The following PLCG2 variants were observed in gnomAD, a reference collection of about 807,000 sequenced individuals.
PLCG2 encodes phospholipase C gamma 2, also known as 1-phosphatidylinositol 4,5-bisphosphate phosphodiesterase gamma-2.
PLCG2 carries 69 observed loss-of-function variants against 175.6 expected under a neutral mutation model. That is an observed-to-expected ratio of 0.39 (90% CI 0.32 to 0.48). PLCG2 has a LOEUF of 0.48. Ranked by LOEUF, PLCG2 falls within the 20% of genes least tolerant of loss-of-function variation. PLCG2 has a pLI of 0.91. For synonymous variants in PLCG2, 827 were observed against 624.0 expected, an observed-to-expected ratio of 1.33 and a Z score of -4.85; for missense variants, 1,798 against 1,650.9, an observed-to-expected ratio of 1.09 and a Z score of -1.54.
At chr16:81,800,522 A>G (rs888341395) in intron 2 of PLCG2, among the ~76,000 whole-genome samples, 6 of 152,148 alleles carry the variant, frequency 3.9e-5, no homozygotes, top group East Asian at 3.9e-4. Context: ...AGCTTCATCT[A>G]TGTCCCTGCG....
chr16:81,889,414 T>A, intron 10 of PLCG2, 141 bp downstream of exon 10: 1 of 530,262 alleles, frequency 1.9e-6, no homozygotes, highest in South Asian at 2.5e-5. Context: ...GCTGGGATTG[T>A]TTCTTTTCTT....
chr16:81,881,704 G>A (rs1022631236), intron 8 of PLCG2, among the ~76,000 whole-genome samples: 2 of 152,306 alleles, frequency 1.3e-5, no homozygotes. Flanking sequence ...GAGTGCACTG[G>A]CGCAATCTTG....
chr16:81,803,795 C>T (rs1042771737), intron 2 of PLCG2, among the ~76,000 whole-genome samples: 33 of 151,968 alleles, frequency 2.2e-4, no homozygotes, highest in African/African-American at 7.0e-4. Context: ...GATTCTCGTG[C>T]CTCAGCCTCC....
intron 13 of PLCG2, among the ~76,000 whole-genome samples, chr16:81,896,486 G>C (rs930857497): frequency 6.6e-6 from 1 of 151,942 alleles, no homozygotes; most frequent in Non-Finnish European, 1.5e-5. Flanking sequence ...GCTGAGGTGG[G>C]AGGATTGCTT....
chr16:81,788,593 C>G (rs918303327), intron 2 of PLCG2, among the ~76,000 whole-genome samples: 8 of 152,186 alleles, frequency 5.3e-5, no homozygotes, highest in African/African-American at 1.9e-4. Context: ...TGTAAAAGTA[C>G]CTGTTGCCTG....
intron 31 of PLCG2, among the ~76,000 whole-genome samples, chr16:81,956,187 GC>G (rs1911560519): frequency 6.6e-6 from 1 of 152,130 alleles, no homozygotes; most frequent in Non-Finnish European, 1.5e-5. Context: ...CATTCACTTA[GC>G]ATAATGTTTT....
intron 14 of PLCG2, among the ~76,000 whole-genome samples, 193 bp downstream of exon 14, chr16:81,900,973 C>A (rs1405649995): frequency 6.6e-6 from 1 of 152,230 alleles, no homozygotes; most frequent in African/African-American, 2.4e-5. Context: ...CCTCTGTTGT[C>A]ACCAGTCTCT....
chr16:81,930,680 G>T (rs1196356433), intron 24 of PLCG2, among the ~76,000 whole-genome samples: 3 of 150,488 alleles, frequency 2.0e-5, no homozygotes, highest in African/African-American at 7.3e-5. Flanking sequence ...CTTGGAAGGT[G>T]GAGGCTGCAG....
At chr16:81,912,000 T>G (rs371599194) in intron 18 of PLCG2, among the ~76,000 whole-genome samples, 71 of 152,198 alleles carry the variant, frequency 4.7e-4, no homozygotes, top group African/African-American at 1.5e-3. Flanking sequence ...GGTTTCACCG[T>G]GTTAGCCAGG....
intron 31 of PLCG2, among the ~76,000 whole-genome samples, 172 bp downstream of exon 31, chr16:81,946,435 G>T (rs1159488228): frequency 6.6e-6 from 1 of 152,114 alleles, no homozygotes; most frequent in Non-Finnish European, 1.5e-5. Flanking sequence ...AGTGTCCTGG[G>T]TTTTCCCTCC....
intron 18 of PLCG2, among the ~76,000 whole-genome samples, chr16:81,911,759 C>T (rs1423145514): frequency 2.0e-5 from 3 of 149,532 alleles, no homozygotes; most frequent in Non-Finnish European, 3.0e-5. Flanking sequence ...TATAGGCGCA[C>T]GCCACTGGGC....
chr16:81,861,306 T>C (rs11640363), intron 5 of PLCG2, among the ~76,000 whole-genome samples: 36,697 of 152,240 alleles, frequency 0.24, 4,869 homozygotes, highest in East Asian at 0.54. Context: ...AGCTCTCTTA[T>C]TTTGTTCCTG....
intron 2 of PLCG2, among the ~76,000 whole-genome samples, chr16:81,769,058 T>C (rs1298633138): frequency 6.6e-6 from 1 of 152,184 alleles, no homozygotes; most frequent in African/African-American, 2.4e-5. Flanking sequence ...AATGAGTCCA[T>C]TCATGGAATG....
chr16:81,784,078 C>G (rs1910863818), intron 1 of PLCG2, among the ~76,000 whole-genome samples: 1 of 152,162 alleles, frequency 6.6e-6, no homozygotes, highest in Non-Finnish European at 1.5e-5. Flanking sequence ...CATTAGAATT[C>G]TCAGTTGATT....
chr16:81,928,709 C>A (rs898792101), intron 24 of PLCG2, 85 bp downstream of exon 24: 2 of 892,470 alleles, frequency 2.2e-6, no homozygotes, highest in Non-Finnish European at 3.8e-6. Context: ...AGGGAGGTGG[C>A]TGACACAGGG....
intron 14 of PLCG2, among the ~76,000 whole-genome samples, chr16:81,903,893 A>G (rs142704158): frequency 1.9e-4 from 29 of 152,202 alleles, no homozygotes; most frequent in East Asian, 1.5e-3. Context: ...ACTTCTTTCT[A>G]TTTCAAGAAA....
At chr16:81,764,366 A>G (rs1412581134) in intron 2 of PLCG2, among the ~76,000 whole-genome samples, 2 of 152,134 alleles carry the variant, frequency 1.3e-5, no homozygotes, top group Non-Finnish European at 2.9e-5. Flanking sequence ...AGGAAAGGAA[A>G]CCTGGACCCC....
chr16:81,840,708 C>A (rs1905775860), intron 2 of PLCG2, among the ~76,000 whole-genome samples: 2 of 152,214 alleles, frequency 1.3e-5, no homozygotes, highest in African/African-American at 4.8e-5. Context: ...CGCTAGACCC[C>A]TGCTCACCTC....
At chr16:81,893,961 CTTTTTTT>C (rs74264894) in intron 12 of PLCG2, among the ~76,000 whole-genome samples, 167 bp downstream of exon 12, 1 of 134,590 alleles carries the variant, frequency 7.4e-6, no homozygotes, top group South Asian at 2.3e-4. Context: ...TTTTTTCTTT[CTTTTTTT>C]TTTTTTTTTT....
Sources: gnomAD v4.1 joint callset for allele counts (sites outside exome capture counted in the v4.1 genomes callset) on GRCh38, gnomAD v4.1.1 for gene constraint, MANE v1.5 for transcripts, NCBI Gene and HGNC (gene_info 2026-07-23, HGNC 2026-07-21) for gene names.